The following ZNF746 variants were observed in gnomAD, a reference collection of about 807,000 sequenced individuals.
ZNF746 encodes the protein parkin-interacting substrate.
In ZNF746, 13 loss-of-function variants were observed where a neutral mutation model predicts 41.0. The observed-to-expected ratio is 0.32, with a 90% CI of 0.21 to 0.50. The LOEUF is 0.50. Among genes scored for constraint, ZNF746 ranks in the 20% least tolerant of loss-of-function variants. The probability of loss-of-function intolerance (pLI) is 0.98; values close to 1 mark genes in which losing one functional copy is unlikely to be tolerated. For missense variants in ZNF746, 811 were observed against 922.9 expected (o/e 0.88, Z 1.57); for synonymous variants, 424 against 396.2 (o/e 1.07, Z -0.83).
chr7:149,497,074 C>G lies in ZNF746; in HGVS notation c.24+439G>C, dbSNP rs950471725. On this transcript the variant is annotated intron_variant, in intron 1 of 6. Coordinates refer to ENST00000458143, the MANE Select transcript of ZNF746 (RefSeq NM_001394198.1). This position sits in a 1 kb window ranked among gnomAD's most constrained non-coding sequence, Gnocchi z 4.2. ...CGCGCCGACCCCGGGAAGCTGGGCA[C>G]GTAGTGGGAGTCGGTGTATGCGGAT... 9.2e-5 allele frequency: 91 copies of G among 985,236 alleles called. No individual in the cohort carries two copies. The highest frequency in any genetic ancestry group is 1.0e-4 in the Non-Finnish European group (87 of 829,928). The allele number at this position is 985,236 out of a possible 1,614,324, so 61.0% of individuals were successfully genotyped here.
intron 1 of ZNF746, chr7:149,496,768 G>T: frequency 1.1e-5 from 11 of 973,704 alleles, no homozygotes; most frequent in Non-Finnish European, 1.3e-5. Context: ...CCTTCCCCCG[G>T]AGCCCACCGC....
chr7:149,494,572 C>T lies in ZNF746; in HGVS notation c.25-69G>A, dbSNP rs1452156815. On this transcript the variant is annotated intron_variant, in intron 1 of 6. Transcript: ENST00000458143. This position sits in a 1 kb window ranked among gnomAD's most constrained non-coding sequence, Gnocchi z 5.6. ...CTGTCTTCATTGAGCCCCTCTCTCC[C>T]TAGGCACGGGGGAGTTGGGCTGGGA... 2 of 1,583,874 alleles carry T rather than the reference C, an allele frequency of 1.3e-6. No individual in the cohort carries two copies. The highest frequency in any genetic ancestry group is 1.7e-6 in the Non-Finnish European group (2 of 1,161,768).
intron 4 of ZNF746, among the ~76,000 whole-genome samples, chr7:149,487,375 T>C (rs1191696969): frequency 6.6e-6 from 1 of 152,256 alleles, no homozygotes; most frequent in African/African-American, 2.4e-5. Flanking sequence ...GAAATGTCTT[T>C]AACAATATTT....
At chr7:149,493,422 A>G (rs1478529081) in intron 3 of ZNF746, among the ~76,000 whole-genome samples, 1 of 152,192 alleles carries the variant, frequency 6.6e-6, no homozygotes, top group East Asian at 1.9e-4. Context: ...GTCACACAGA[A>G]ACCATTAGGA....
Position 149,474,860 on chromosome 7 carries a change from C to A in ZNF746, c.1507G>T (p.Gly503Cys). ...CCGCCGCCACTGCCGCTGCCGCCACCGCCTGTGCCCGGGCCCGACCCGTCG... is the reference window on the plus strand; with the variant it reads ...CCGCCGCCACTGCCGCTGCCGCCACAGCCTGTGCCCGGGCCCGACCCGTCG... The part of the protein sequence containing the change: ...APDGSGPGTG[G>C]GGSGSGGGGG... The change falls in exon 7 of 7, where the codon GGT (glycine) becomes TGT (cysteine). Residue 503 changes from glycine to cysteine, a missense_variant. Around this residue, in one of 4 missense-constraint regions of ZNF746, gnomAD observed 495 missense variants for 481.6 expected, o/e 1.03. Coordinates refer to ENST00000458143, the MANE Select transcript of ZNF746 (RefSeq NM_001394198.1). This position sits in a 1 kb window ranked among gnomAD's most constrained non-coding sequence, Gnocchi z 6.3. 1 of 1,459,596 alleles carries A rather than the reference C, an allele frequency of 6.9e-7. No homozygotes were observed. 90.4% of individuals were successfully genotyped at this position (1,459,596 alleles called of 1,614,324 possible). A position where few individuals can be genotyped will look rare whatever the true frequency, so the allele number is the denominator to read the frequency against.
intron 4 of ZNF746, among the ~76,000 whole-genome samples, chr7:149,479,542 CAT>C (rs1800423459): frequency 6.6e-6 from 1 of 152,220 alleles, no homozygotes; most frequent in East Asian, 1.9e-4. Flanking sequence ...AAGAAAAAGA[CAT>C]ATTATGAACA....
Position 149,497,043 on chromosome 7 carries a change from C to T in ZNF746, c.24+470G>A. The stretch of plus-strand genomic sequence containing the variant: ...TTGTGGAAGTGCGTGGCTCTATATT[C>T]CCTTCCGCGCCGACCCCGGGAAGCT... On this transcript the variant is annotated intron_variant, in intron 1 of 6. Coordinates refer to ENST00000458143, the MANE Select transcript of ZNF746 (RefSeq NM_001394198.1). This position sits in a 1 kb window ranked among gnomAD's most constrained non-coding sequence, Gnocchi z 4.2. 1.0e-6 allele frequency: 1 copy of T among 985,410 alleles called. No individual in the cohort carries two copies. The highest frequency in any genetic ancestry group is 1.2e-6 in the Non-Finnish European group (1 of 829,932). 61.0% of individuals were successfully genotyped at this position (985,410 alleles called of 1,614,324 possible).
chr7:149,483,410 G>A (rs1800536178), intron 4 of ZNF746, among the ~76,000 whole-genome samples: 1 of 151,942 alleles, frequency 6.6e-6, no homozygotes, highest in Non-Finnish European at 1.5e-5. Flanking sequence ...AGATCGAGAT[G>A]ATCCTGGCCA....
chr7:149,476,971 T>G lies in ZNF746; in HGVS notation c.834A>C (p.Ser278=). 1 of 1,613,736 alleles carries G rather than the reference T, an allele frequency of 6.2e-7. No individual in the cohort carries two copies. Among genetic ancestry groups the G allele is most frequent in the South Asian group, 1.1e-5 (1 of 91,058 alleles). ...GCTTCAGGGTCCCGTCCGAGCATGC[T>G]GAAGAGGGATGGTGGGGAGGGAGAT... is the stretch of plus-strand genomic sequence containing the variant. ...QTDLPPHHPS[S]ACSDGTLKLN... is the part of the protein sequence containing the mutation. Residue 278 remains serine (S), a synonymous_variant, in exon 6 of 7, where the codon TCA becomes TCC. Transcript: ENST00000458143.
At chr7:149,496,993 GGACA>G (rs1303487185) in intron 1 of ZNF746, 1 of 985,288 alleles carries the variant, frequency 1.0e-6, no homozygotes, top group Non-Finnish European at 1.2e-6. Context: ...CTTGCTGTGA[GGACA>G]GACTAACGCC....
chr7:149,481,124 GA>G lies in ZNF746; in HGVS notation c.566-3370del, dbSNP rs761353939. On this transcript the variant is annotated intron_variant, in intron 4 of 6. Coordinates refer to ENST00000458143, the MANE Select transcript of ZNF746 (RefSeq NM_001394198.1). ...TCCACAAAGGAATCCTGATTGGACT[GA>G]TGGCAGATTCTCAATAGCAACAACA... 3.8e-4 allele frequency among the ~76,000 whole-genome samples: 58 copies of G among 152,350 alleles called. No homozygotes were observed. The East Asian group carries it at 8.1e-3, about 21-fold the overall frequency.
chr7:149,490,135 G>C (rs573360458), intron 4 of ZNF746: 1 of 152,866 alleles, frequency 6.5e-6, no homozygotes, highest in African/African-American at 2.4e-5. Context: ...GGCAGAGAAG[G>C]GGGCACTGGT....
intron 6 of ZNF746, among the ~76,000 whole-genome samples, chr7:149,476,086 G>A (rs1004879274): frequency 6.6e-5 from 10 of 152,114 alleles, no homozygotes; most frequent in South Asian, 4.2e-4. Flanking sequence ...AGGCCAAGGC[G>A]GGGGGATCAT....
intron 4 of ZNF746, among the ~76,000 whole-genome samples, chr7:149,479,149 T>C (rs1030025879): frequency 1.3e-4 from 17 of 132,924 alleles, no homozygotes; most frequent in African/African-American, 3.7e-4. Flanking sequence ...ACTGAAGGCA[T>C]TGTTAAGTCC....
In ZNF746 at chr7:149,474,845, T is replaced by C. The variant is rs924001645; in HGVS notation, c.1522A>G (p.Ser508Gly). 1.8e-4 allele frequency: 252 copies of C among 1,418,128 alleles called. No homozygotes were observed. The highest frequency in any genetic ancestry group is 2.2e-4 in the Non-Finnish European group (237 of 1,092,382). 87.8% of individuals were successfully genotyped at this position (1,418,128 alleles called of 1,614,324 possible). Residue 508 changes from serine (S) to glycine (G), a missense_variant, in exon 7 of 7, where the codon AGT becomes GGT. Ser to Gly is a moderately conservative substitution (Grantham distance 56). Transcript: ENST00000458143. This position sits in a 1 kb window ranked among gnomAD's most constrained non-coding sequence, Gnocchi z 6.3. ...GPGTGGGGSG[S>G]GGGGGGSGGG... ...CCGCTGCCGCCACCGCCGCCGCCAC[T>C]GCCGCTGCCGCCACCGCCTGTGCCC...
At chr7:149,481,399 G>A (rs777657588) in intron 4 of ZNF746, among the ~76,000 whole-genome samples, 2 of 152,096 alleles carry the variant, frequency 1.3e-5, no homozygotes, top group Non-Finnish European at 2.9e-5. Flanking sequence ...TACCTAATAC[G>A]ACGTAAATGC....
rs762605306 is a variant in ZNF746, at chr7:149,493,005, G to A, written c.452-33C>T. On this transcript the variant is annotated intron_variant, in intron 3 of 6. Coordinates refer to ENST00000458143, the MANE Select transcript of ZNF746 (RefSeq NM_001394198.1). Reference sequence around the variant, plus strand: ...AAGACAGAAGGTTAGTTTTTGCCACGTTCCAGTCAAAGCTGGGGACAGTCA... The same window carrying A: ...AAGACAGAAGGTTAGTTTTTGCCACATTCCAGTCAAAGCTGGGGACAGTCA... 2.3e-5 allele frequency: 34 copies of A among 1,483,178 alleles called. No individual in the cohort carries two copies. In the East Asian group the frequency reaches 3.0e-4, roughly 13 times the overall value. The allele number at this position is 1,483,178 out of a possible 1,614,324, so 91.9% of individuals were successfully genotyped here.
chr7:149,481,461 A>T (rs1800482551), intron 4 of ZNF746, among the ~76,000 whole-genome samples: 1 of 152,274 alleles, frequency 6.6e-6, no homozygotes, highest in Non-Finnish European at 1.5e-5. Context: ...ACAAGAAAAA[A>T]GTCTGTATAT....
chr7:149,477,751 C>G lies in ZNF746; in HGVS notation c.570G>C (p.Ser190=). The change falls in exon 5 of 7, where the codon TCG becomes TCC. Residue 190 remains serine, a synonymous_variant. Coordinates refer to ENST00000458143, the MANE Select transcript of ZNF746 (RefSeq NM_001394198.1). ...GGTCTGGGGCGGGAACTGGGGGCCC[C>G]GAGCCTAGGAAAGGGAGTGAGTGTG... ...PDVPVDPSPG[S]GPPVPAPDLL... is the part of the protein sequence containing the mutation. 1.2e-6 allele frequency: 2 copies of G among 1,602,198 alleles called. No individual in the cohort carries two copies. The highest frequency in any genetic ancestry group is 1.7e-6 in the Non-Finnish European group (2 of 1,172,070).
Sources: allele counts gnomAD v4.1 joint callset (sites outside exome capture counted in the v4.1 genomes callset), GRCh38; gene constraint gnomAD v4.1.1; regional missense constraint gnomAD v4.1.1; non-coding constraint Gnocchi (gnomAD v3.1); transcripts MANE v1.5; gene names NCBI Gene and HGNC (gene_info 2026-07-23, HGNC 2026-07-21).